Variants in TAB2 observed in about 807,000 individuals in gnomAD.
TAB2 encodes TGF-beta activated kinase 1 (MAP3K7) binding protein 2, also known as TGF-beta-activated kinase 1 and MAP3K7-binding protein 2.
Under a neutral mutation model 65.0 loss-of-function variants are expected in TAB2, and 3 were observed. The ratio of observed to expected loss-of-function variants is 0.05; its 90% CI spans 0.02 to 0.12. TAB2 has a LOEUF of 0.12. Among genes scored for constraint, TAB2 ranks in the 10% least tolerant of loss-of-function variants. The pLI is 1.00. For missense variants in TAB2, 623 were observed against 840.3 expected, an observed-to-expected ratio of 0.74 and a Z score of 3.20; for synonymous variants, 298 against 285.1, an observed-to-expected ratio of 1.05 and a Z score of -0.46.
intron 2 of TAB2, among the ~76,000 whole-genome samples, chr6:149,372,902 G>A (rs1384971962): frequency 6.6e-6 from 1 of 152,104 alleles, no homozygotes; most frequent in Non-Finnish European, 1.5e-5. Context: ...AGTTGGGTGG[G>A]TTTCTGTTCT....
intron 1 of TAB2, among the ~76,000 whole-genome samples, chr6:149,219,520 C>A (rs1479408001): frequency 6.6e-6 from 1 of 152,150 alleles, no homozygotes; most frequent in African/African-American, 2.4e-5. Context: ...TTCATTCAAA[C>A]CTGCTCTTTA....
intron 1 of TAB2, among the ~76,000 whole-genome samples, chr6:149,286,216 T>C (rs998572407): frequency 2.0e-5 from 3 of 152,234 alleles, no homozygotes; most frequent in African/African-American, 7.2e-5. Flanking sequence ...TTAGAAGAAA[T>C]TCCAGTTGGT....
At chr6:149,234,908 G>A (rs1406013555) in intron 1 of TAB2, among the ~76,000 whole-genome samples, 1 of 149,480 alleles carries the variant, frequency 6.7e-6, no homozygotes, top group Non-Finnish European at 1.5e-5. Context: ...AATGGCATTG[G>A]CCTAAGAATA....
chr6:149,254,315 T>C (rs1777959617), intron 1 of TAB2, among the ~76,000 whole-genome samples: 1 of 152,194 alleles, frequency 6.6e-6, no homozygotes, highest in South Asian at 2.1e-4. Context: ...GGTAGAACCA[T>C]GTGAAGCCTG....
chr6:149,254,637 A>G (rs1777968263), intron 1 of TAB2, among the ~76,000 whole-genome samples: 1 of 152,186 alleles, frequency 6.6e-6, no homozygotes. Context: ...TTCCTCCCTC[A>G]ATGTGACCAT....
intron 6 of TAB2, chr6:149,400,137 G>A (rs1435012873): frequency 3.9e-6 from 2 of 512,076 alleles, no homozygotes; most frequent in Non-Finnish European, 6.9e-6. Flanking sequence ...AACTGGAAAT[G>A]GATTAAACTC....
At chr6:149,229,943 C>T (rs1466664246) in intron 1 of TAB2, 1 of 152,162 alleles carries the variant, frequency 6.6e-6, no homozygotes, top group African/African-American at 2.4e-5. Flanking sequence ...TTCTGAGGAC[C>T]TTGGCTCATT....
At chr6:149,219,468 C>T (rs908272576) in intron 1 of TAB2, among the ~76,000 whole-genome samples, 7 of 152,016 alleles carry the variant, frequency 4.6e-5, no homozygotes, top group South Asian at 4.1e-4. Flanking sequence ...CCAGATTGCC[C>T]GCTAGTAAAG....
chr6:149,225,489 G>A (rs762262501), intron 1 of TAB2, among the ~76,000 whole-genome samples: 1 of 152,192 alleles, frequency 6.6e-6, no homozygotes, highest in African/African-American at 2.4e-5. Flanking sequence ...CATGACCCAT[G>A]GAATACCAGG....
rs556000675 is a variant in TAB2, at chr6:149,346,225, TATC to T, written c.-89-23681_-89-23679del. Among the ~76,000 whole-genome samples the T allele has an allele frequency of 4.5e-4, 68 of 152,250 alleles. No individual in the cohort carries two copies. In the East Asian group the frequency reaches 4.8e-3, roughly 11 times the overall value. ...GTACACTTTGTCTAACTTGTGAACT[TATC>T]ATACTCCTAGTGCTATTGTGCACAC... On this transcript the variant is annotated intron_variant, in intron 1 of 6. Transcript: ENST00000637181.
At position 149,339,589 on chromosome 6, in the gene TAB2, A is replaced by ATTTTT. The variant is rs1462448974; in HGVS notation, c.-90+21577_-90+21578insTTTTT. Among the ~76,000 whole-genome samples the ATTTTT allele has an allele frequency of 1.3e-3, 41 of 31,408 alleles. 3 individuals are homozygous for ATTTTT. The highest frequency in any genetic ancestry group is 3.1e-3 in the Admixed American group (7 of 2,226). 20.6% of individuals were successfully genotyped at this position (31,408 alleles called of 152,430 possible). On this transcript the variant is annotated intron_variant, in intron 1 of 6. Coordinates refer to ENST00000637181, the MANE Select transcript of TAB2 (RefSeq NM_001292034.3). ...CACGGCCCAATAATTAATCTTTTTT[A>ATTTTT]TTTATTTATTTATTTATTTTTTTTT... is the stretch of plus-strand genomic sequence containing the variant.
chr6:149,342,902 A>G (rs1015457559), intron 1 of TAB2: 2 of 152,168 alleles, frequency 1.3e-5, no homozygotes, highest in Non-Finnish European at 2.9e-5. Context: ...ATCTATAGTA[A>G]CTAAAACTTG....
intron 1 of TAB2, among the ~76,000 whole-genome samples, chr6:149,223,178 A>G (rs1777191152): frequency 6.6e-6 from 1 of 152,258 alleles, no homozygotes; most frequent in Non-Finnish European, 1.5e-5. Flanking sequence ...TTTCTTCACA[A>G]AAAGCTTTTT....
At chr6:149,222,928 A>G (rs1403469258) in intron 1 of TAB2, among the ~76,000 whole-genome samples, 6 of 152,212 alleles carry the variant, frequency 3.9e-5, no homozygotes, top group African/African-American at 1.4e-4. Context: ...TTACTAATTA[A>G]TAAGCAAAGT....
Position 149,295,599 on chromosome 6 carries a change from T to A in TAB2, c.-121+76823T>A, listed in dbSNP as rs201907240. Among the ~76,000 whole-genome samples the A allele has an allele frequency of 2.6e-5, 4 of 152,358 alleles. No homozygotes were observed. The East Asian group carries it at 7.7e-4, about 29-fold the overall frequency. On this transcript the variant is annotated intron_variant, in intron 1 of 1. Transcript: ENST00000606202. ...TTGTTTTCAGGATAATTTCTTCTGA[T>A]ATACTTTATAGTTCACTGATTTCAT... is the stretch of plus-strand genomic sequence containing the variant.
At chr6:149,248,361 C>G (rs943949689) in intron 1 of TAB2, among the ~76,000 whole-genome samples, 1 of 150,458 alleles carries the variant, frequency 6.6e-6, no homozygotes, top group African/African-American at 2.4e-5. Flanking sequence ...CACTGTACTC[C>G]CGCTTGAGCG....
chr6:149,406,047 G>T (rs144043693), intron 6 of TAB2, among the ~76,000 whole-genome samples: 5 of 152,066 alleles, frequency 3.3e-5, no homozygotes, highest in African/African-American at 1.2e-4. Flanking sequence ...ATAAAGTTGT[G>T]GGGGAAACAA....
intron 6 of TAB2, chr6:149,400,648 T>C: frequency 6.2e-7 from 1 of 1,614,206 alleles, no homozygotes; most frequent in Non-Finnish European, 8.5e-7. Context: ...ACAATTGATG[T>C]GTTTCAACAG....
At chr6:149,350,617 CTTT>C (rs150204735) in intron 1 of TAB2, among the ~76,000 whole-genome samples, 136 of 92,498 alleles carry the variant, frequency 1.5e-3, no homozygotes, top group African/African-American at 3.7e-3. Context: ...TATTTTATGT[CTTT>C]TTTTTTTTTT....
Sources: gnomAD v4.1 joint callset for allele counts (sites outside exome capture counted in the v4.1 genomes callset) on GRCh38, gnomAD v4.1.1 for gene constraint, MANE v1.5 for transcripts, NCBI Gene and HGNC (gene_info 2026-07-23, HGNC 2026-07-21) for gene names.